The following ZNF136 variants were observed in gnomAD, a reference collection of about 807,000 sequenced individuals.
ZNF136 encodes the protein zinc finger protein 136 (clone pHZ-20).
A neutral mutation model predicts 11.4 loss-of-function variants in ZNF136; 8 were observed. The ratio of observed to expected loss-of-function variants is 0.70; its 90% CI spans 0.41 to 1.27. ZNF136 has a LOEUF of 1.27. Among genes scored for constraint, ZNF136 ranks in the 50% most tolerant of loss-of-function variants. The pLI is 0.01. For synonymous variants in ZNF136, 190 were observed against 207.1 expected, an observed-to-expected ratio of 0.92 and a Z score of 0.71; for missense variants, 590 against 656.5, an observed-to-expected ratio of 0.90 and a Z score of 1.11.
chr19:12,187,957 GC>G lies in ZNF136; in HGVS notation c.1580del (p.Ala527ValfsTer24). On this transcript the variant is annotated frameshift_variant, in exon 4 of 4. Coordinates refer to ENST00000343979, the MANE Select transcript of ZNF136 (RefSeq NM_003437.5). LOFTEE classifies it low-confidence loss of function (END_TRUNC). ...ASFQRHMLTH[A>X]EDGPPYKCMW... is the part of the protein sequence containing the mutation. ...CTTTCAGAGACACATGTTAACACAT[GC>G]TGAAGATGGACCACCTTATAAATGC... 3 of 1,546,152 alleles carry G rather than the reference GC, an allele frequency of 1.9e-6. No homozygotes were observed. Among genetic ancestry groups the G allele is most frequent in the Non-Finnish European group, 2.6e-6 (3 of 1,153,440 alleles).
chr19:12,181,479 GT>G (rs61067620), intron 1 of ZNF136, among the ~76,000 whole-genome samples: 10,078 of 140,686 alleles, frequency 0.072, 1,022 homozygotes, highest in African/African-American at 0.23. Flanking sequence ...ATTTGTTTTT[GT>G]TTTTTTTTTT....
At chr19:12,172,848 C>T (rs1914695101) in intron 1 of ZNF136, among the ~76,000 whole-genome samples, 1 of 152,098 alleles carries the variant, frequency 6.6e-6, no homozygotes, top group Non-Finnish European at 1.5e-5. Flanking sequence ...CCTGTCTCTA[C>T]TAAAAATACA....
intron 1 of ZNF136, among the ~76,000 whole-genome samples, chr19:12,164,345 C>G (rs1220502689): frequency 1.3e-5 from 2 of 152,028 alleles, no homozygotes; most frequent in Non-Finnish European, 2.9e-5. Flanking sequence ...GATCTCGGCT[C>G]ACTGCAACCT....
chr19:12,171,097 AG>A (rs1568398582), intron 1 of ZNF136, among the ~76,000 whole-genome samples: 1 of 151,838 alleles, frequency 6.6e-6, no homozygotes, highest in Non-Finnish European at 1.5e-5. Flanking sequence ...GGCCTCCCAA[AG>A]TGCTGGGATT....
intron 1 of ZNF136, chr19:12,163,799 G>T (rs1215334079): frequency 6.6e-6 from 1 of 152,260 alleles, no homozygotes; most frequent in East Asian, 1.9e-4. Context: ...CAAAGCAATG[G>T]ATTACTCTTT....
intron 1 of ZNF136, among the ~76,000 whole-genome samples, chr19:12,173,927 CAG>C (rs1249566570): frequency 2.0e-5 from 3 of 151,774 alleles, no homozygotes; most frequent in East Asian, 1.9e-4. Context: ...CTTTTTGAGA[CAG>C]AGTTTCACTG....
At chr19:12,173,190 CAGG>C (rs1018439044) in intron 1 of ZNF136, among the ~76,000 whole-genome samples, 1 of 152,048 alleles carries the variant, frequency 6.6e-6, no homozygotes, top group Non-Finnish European at 1.5e-5. Context: ...AATTTCTCTT[CAGG>C]AGGTTTTAGT....
At chr19:12,179,917 G>A (rs1304272850) in intron 1 of ZNF136, among the ~76,000 whole-genome samples, 2 of 151,840 alleles carry the variant, frequency 1.3e-5, no homozygotes, top group Non-Finnish European at 2.9e-5. Flanking sequence ...CCGGGCTGGA[G>A]TGCAGTGGCG....
Position 12,185,490 on chromosome 19 carries a change from T to C in ZNF136, c.4-295T>C, listed in dbSNP as rs1186926728. On this transcript the variant is annotated intron_variant, in intron 1 of 3. Coordinates refer to ENST00000343979, the MANE Select transcript of ZNF136 (RefSeq NM_003437.5). ...TTGCATAGTAGGTGGTAGGACTTCGTTATGACAGGTTCTACAGGTCCACTG... is the reference window on the plus strand; with the variant it reads ...TTGCATAGTAGGTGGTAGGACTTCGCTATGACAGGTTCTACAGGTCCACTG... The C allele has an allele frequency of 8.0e-5, 20 of 249,472 alleles. No homozygotes were observed. The East Asian group carries it at 2.0e-3, about 25-fold the overall frequency. 15.5% of individuals were successfully genotyped at this position (249,472 alleles called of 1,614,324 possible).
intron 1 of ZNF136, among the ~76,000 whole-genome samples, chr19:12,179,389 C>G (rs770379562): frequency 1.3e-5 from 2 of 151,686 alleles, no homozygotes; most frequent in Non-Finnish European, 2.9e-5. Flanking sequence ...GGGCTTACTG[C>G]AACCTCTGCC....
At chr19:12,183,747 C>T (rs945901774) in intron 1 of ZNF136, among the ~76,000 whole-genome samples, 4 of 152,122 alleles carry the variant, frequency 2.6e-5, no homozygotes, top group African/African-American at 7.2e-5. Context: ...TACAGGCGTG[C>T]ACCACCACTG....
intron 1 of ZNF136, among the ~76,000 whole-genome samples, chr19:12,179,892 G>A (rs1225477944): frequency 1.3e-5 from 2 of 151,582 alleles, no homozygotes; most frequent in Admixed American, 6.6e-5. Context: ...TTGAGACAGA[G>A]TCTGGCTCTG....
At chr19:12,176,801 T>C (rs1914805754) in intron 1 of ZNF136, among the ~76,000 whole-genome samples, 1 of 152,026 alleles carries the variant, frequency 6.6e-6, no homozygotes, top group Non-Finnish European at 1.5e-5. Flanking sequence ...GAGAGAAAGC[T>C]GGGGAGGAGT....
chr19:12,170,991 A>G (rs1395259611), intron 1 of ZNF136, among the ~76,000 whole-genome samples: 4 of 151,970 alleles, frequency 2.6e-5, no homozygotes, highest in African/African-American at 9.7e-5. Flanking sequence ...ATGCACCACC[A>G]CGCCCGGCTA....
intron 1 of ZNF136, among the ~76,000 whole-genome samples, chr19:12,179,706 A>G (rs1304240313): frequency 1.3e-5 from 2 of 152,206 alleles, no homozygotes; most frequent in African/African-American, 4.8e-5. Flanking sequence ...TGAAGAAGCA[A>G]GGTTATTTCT....
Position 12,186,583 on chromosome 19 carries a change from G to C in ZNF136, c.205G>C (p.Glu69Gln). 1 of 1,609,440 alleles carries C rather than the reference G, an allele frequency of 6.2e-7. No individual in the cohort carries two copies. The highest frequency in any genetic ancestry group is 8.5e-7 in the Non-Finnish European group (1 of 1,177,492). ...CATTTTTTACAGAAGTCATATGTTA[G>C]AAAGACTCTATCAAACTAAGGATGG... ...RGRNLRSHML[E>Q]RLYQTKDGSQ... is the part of the protein sequence containing the mutation. The change falls in exon 4 of 4, where the codon GAA becomes CAA. Residue 69 changes from glutamate to glutamine, a missense_variant. Transcript: ENST00000343979.
intron 1 of ZNF136, among the ~76,000 whole-genome samples, chr19:12,182,430 T>G (rs77579245): frequency 0.011 from 1,673 of 152,290 alleles, 31 homozygotes; most frequent in East Asian, 0.049. Context: ...GAGGGTCTAG[T>G]GAGTATCAGC....
intron 1 of ZNF136, among the ~76,000 whole-genome samples, chr19:12,166,220 T>A (rs1220723048): frequency 6.7e-6 from 1 of 148,724 alleles, no homozygotes; most frequent in Non-Finnish European, 1.5e-5. Flanking sequence ...AGAGCAAGAC[T>A]CCGTCTCAAA....
rs150745322 is a variant in ZNF136 at position 12,186,804 on chromosome 19, T to C, written c.426T>C (p.Arg142=). 6.2e-7 allele frequency: 1 copy of C among 1,614,166 alleles called. No homozygotes were observed. The highest frequency in any genetic ancestry group is 1.3e-5 in the African/African-American group (1 of 75,070). The change falls in exon 4 of 4, where the codon CGT becomes CGC. Residue 142 remains arginine (R), a synonymous_variant. Coordinates refer to ENST00000343979, the MANE Select transcript of ZNF136 (RefSeq NM_003437.5). ...YQEYGEKPDT[R]NQCWKPFSSH... ...AATATGGAGAGAAGCCAGATACACG[T>C]AACCAGTGTTGGAAACCCTTCAGTT...
Sources: gnomAD v4.1 joint callset for allele counts (sites outside exome capture counted in the v4.1 genomes callset) on GRCh38, gnomAD v4.1.1 for gene constraint, MANE v1.5 for transcripts, NCBI Gene and HGNC (gene_info 2026-07-23, HGNC 2026-07-21) for gene names.